GSE1: variants seen among roughly 807,000 people sequenced by gnomAD.
GSE1 encodes Gse1 coiled-coil protein.
GSE1 carries 32 observed loss-of-function variants against 112.6 expected under a neutral mutation model. The ratio of observed to expected loss-of-function variants is 0.28; its 90% CI spans 0.21 to 0.38. The LOEUF is 0.38. Ranked by LOEUF, GSE1 falls within the 10% of genes least tolerant of loss-of-function variation. The pLI is 1.00. For missense variants in GSE1, 2,348 were observed against 1,699.2 expected, an observed-to-expected ratio of 1.38 and a Z score of -6.71; for synonymous variants, 1,115 against 735.6, an observed-to-expected ratio of 1.52 and a Z score of -8.35.
intron 1 of GSE1, among the ~76,000 whole-genome samples, chr16:85,596,465 G>A (rs1021364609): frequency 4.6e-5 from 7 of 152,288 alleles, no homozygotes; most frequent in Middle Eastern, 3.4e-3. Flanking sequence ...GGAAGATTCC[G>A]CCTTCAGGTG....
intron 1 of GSE1, among the ~76,000 whole-genome samples, chr16:85,253,659 C>T (rs988198571): frequency 2.0e-5 from 3 of 152,198 alleles, no homozygotes; most frequent in African/African-American, 7.2e-5. Flanking sequence ...AGAGGAAGGA[C>T]ATCCCGCCCA....
intron 2 of GSE1, among the ~76,000 whole-genome samples, chr16:85,494,924 C>T (rs773151092): frequency 6.7e-6 from 1 of 149,962 alleles, no homozygotes; most frequent in Non-Finnish European, 1.5e-5. Context: ...TCTGCCGGTG[C>T]AGGCTTTCTG....
intron 2 of GSE1, among the ~76,000 whole-genome samples, chr16:85,414,587 C>G (rs901279369): frequency 6.6e-6 from 1 of 152,184 alleles, no homozygotes; most frequent in African/African-American, 2.4e-5. Flanking sequence ...AGAAGGGAGA[C>G]AGCATCATAA....
chr16:85,372,451 A>G (rs905675300), intron 2 of GSE1, among the ~76,000 whole-genome samples: 4 of 143,526 alleles, frequency 2.8e-5, no homozygotes, highest in African/African-American at 1.0e-4. Context: ...CTGCACTCCA[A>G]CCTGGGTGAC....
intron 1 of GSE1, among the ~76,000 whole-genome samples, chr16:85,229,695 C>T (rs1037771121): frequency 1.3e-5 from 2 of 152,188 alleles, no homozygotes; most frequent in Admixed American, 6.5e-5. Context: ...GAGACTGACT[C>T]CTGAAACCAA....
chr16:85,331,323 CTG>C (rs71151278), intron 1 of GSE1, among the ~76,000 whole-genome samples: 7,235 of 84,334 alleles, frequency 0.086, 904 homozygotes, highest in Non-Finnish European at 0.11. Context: ...CAGCTAATTT[CTG>C]TGTGTGTGTG....
intron 2 of GSE1, among the ~76,000 whole-genome samples, chr16:85,514,937 T>A (rs758592758): frequency 3.9e-5 from 6 of 152,162 alleles, no homozygotes; most frequent in Admixed American, 6.5e-5. Flanking sequence ...GGGCATGTAT[T>A]TGTGTGTTTG....
chr16:85,479,615 G>T (rs906485038), intron 2 of GSE1, among the ~76,000 whole-genome samples: 10 of 152,146 alleles, frequency 6.6e-5, no homozygotes. Flanking sequence ...ATATGAGTTT[G>T]TGTGTGGGCG....
chr16:85,375,597 A>C (rs149807289), intron 2 of GSE1, among the ~76,000 whole-genome samples: 149 of 152,210 alleles, frequency 9.8e-4, no homozygotes, highest in Non-Finnish European at 1.5e-3. Flanking sequence ...CTGGTGTTCA[A>C]GCAGGTATAG....
chr16:85,265,327 G>A (rs1315398057), intron 1 of GSE1, among the ~76,000 whole-genome samples: 1 of 152,104 alleles, frequency 6.6e-6, no homozygotes, highest in East Asian at 1.9e-4. Flanking sequence ...AGGAGTTGGC[G>A]GCCACCTCCG....
intron 1 of GSE1, among the ~76,000 whole-genome samples, chr16:85,197,144 C>T (rs530133323): frequency 6.6e-6 from 1 of 152,306 alleles, no homozygotes; most frequent in Admixed American, 6.5e-5. Context: ...GACCTGGCCC[C>T]TCGGAGCTCG....
In GSE1 at chr16:85,624,938, A is replaced by AGCTTT. The variant is rs1394049768; in HGVS notation, c.8-8970_8-8966dup. Among the ~76,000 whole-genome samples, 5 of 152,224 alleles carry AGCTTT rather than the reference A, an allele frequency of 3.3e-5. No homozygotes were observed. The East Asian group carries it at 9.7e-4, about 29-fold the overall frequency. ...CGGCCTGTGTCACTTTGCTGTTCGC[A>AGCTTT]GCTTTGCTTTCTGGGGTCTGCTTAC... On this transcript the variant is annotated intron_variant, in intron 1 of 15. Transcript: ENST00000253458.
intron 2 of GSE1, among the ~76,000 whole-genome samples, chr16:85,547,539 ATAAT>A (rs775818133): frequency 5.3e-5 from 8 of 152,344 alleles, no homozygotes; most frequent in Non-Finnish European, 8.8e-5. Context: ...ATAAATTTAT[ATAAT>A]TAATGTATAA....
chr16:85,171,833 T>C (rs1461325206), intron 1 of GSE1: 1 of 973,458 alleles, frequency 1.0e-6, no homozygotes, highest in Non-Finnish European at 1.2e-6. Flanking sequence ...CATCTCATCT[T>C]AGACGCTTCC....
chr16:85,386,207 C>A (rs528505954), intron 2 of GSE1, among the ~76,000 whole-genome samples: 1 of 152,218 alleles, frequency 6.6e-6, no homozygotes. Flanking sequence ...AGCATTGTGG[C>A]CAGCAGAGCT....
At chr16:85,444,703 G>A (rs917533088) in intron 2 of GSE1, among the ~76,000 whole-genome samples, 2 of 151,736 alleles carry the variant, frequency 1.3e-5, no homozygotes, top group Non-Finnish European at 2.9e-5. Context: ...CTATAGCCGG[G>A]CTCCGTGTTG....
upstream of GSE1, among the ~76,000 whole-genome samples, chr16:85,606,978 C>G (rs978603859): frequency 2.0e-5 from 3 of 151,860 alleles, no homozygotes; most frequent in African/African-American, 7.3e-5. Flanking sequence ...TTTATAGATG[C>G]CAGCTGTCTC....
chr16:85,619,352 A>T (rs886238606), intron 1 of GSE1, among the ~76,000 whole-genome samples: 2 of 151,590 alleles, frequency 1.3e-5, no homozygotes, highest in African/African-American at 4.8e-5. Context: ...TTGATGTTGG[A>T]CAGGTTAAGC....
intron 2 of GSE1, among the ~76,000 whole-genome samples, chr16:85,527,697 G>A (rs1412026924): frequency 1.3e-5 from 2 of 152,262 alleles, no homozygotes; most frequent in Non-Finnish European, 2.9e-5. Flanking sequence ...GCAGCGGGCC[G>A]GGGAAGTGGG....
Sources: allele counts gnomAD v4.1 joint callset (sites outside exome capture counted in the v4.1 genomes callset), GRCh38; gene constraint gnomAD v4.1.1; transcripts MANE v1.5; gene names NCBI Gene and HGNC (gene_info 2026-07-23, HGNC 2026-07-21).